Variants in NDUFA10 observed in about 807,000 individuals in gnomAD.
The protein encoded by NDUFA10 is NADH dehydrogenase [ubiquinone] 1 alpha subcomplex subunit 10, mitochondrial.
In NDUFA10, 40 loss-of-function variants were observed where a neutral mutation model predicts 47.8. The ratio of observed to expected loss-of-function variants is 0.84; its 90% CI spans 0.65 to 1.09. NDUFA10 has a LOEUF of 1.09. Among genes scored for constraint, NDUFA10 ranks in the 50% least tolerant of loss-of-function variants. The pLI, the probability that NDUFA10 is intolerant of heterozygous loss-of-function variation, is 0.00. For synonymous variants in NDUFA10, 183 were observed against 172.2 expected, an observed-to-expected ratio of 1.06 and a Z score of -0.49; for missense variants, 413 against 451.1, an observed-to-expected ratio of 0.92 and a Z score of 0.76.
At chr2:239,921,031 G>A (rs1170850758) in intron 4 of NDUFA10, among the ~76,000 whole-genome samples, 1 of 152,200 alleles carries the variant, frequency 6.6e-6, no homozygotes, top group Non-Finnish European at 1.5e-5. Context: ...TCTGTGGACA[G>A]AGCAACCAAG....
At chr2:240,011,942 G>A (rs1052630850) in intron 5 of NDUFA10, 9 of 517,384 alleles carry the variant, frequency 1.7e-5, no homozygotes, top group African/African-American at 1.3e-4. Context: ...CACATTCTAA[G>A]ATGTATACTT....
downstream of NDUFA10, among the ~76,000 whole-genome samples, chr2:239,955,821 T>A (rs528001395): frequency 1.1e-4 from 17 of 152,258 alleles, no homozygotes; most frequent in East Asian, 3.3e-3. Flanking sequence ...AGGACCCTGA[T>A]ACTACCTCAC....
intron 4 of NDUFA10, among the ~76,000 whole-genome samples, chr2:239,913,542 G>A (rs935012581): frequency 6.6e-6 from 1 of 152,188 alleles, no homozygotes; most frequent in Admixed American, 6.5e-5. Context: ...TTCTCCCCCT[G>A]GGGCTGTCTG....
At position 240,014,820 on chromosome 2, in the gene NDUFA10, G is replaced by A. The variant is rs143565087; in HGVS notation, c.588C>T (p.Cys196=). The change falls in exon 5 of 10, where the codon TGC becomes TGT. Residue 196 remains cysteine, a synonymous_variant. Coordinates refer to ENST00000252711, the MANE Select transcript of NDUFA10 (RefSeq NM_004544.4). ...TCACCAGGTGGGGGGGCAGGTAATC[G>A]CAGATGGTGACGCTCTTCACCTCGT... The part of the protein sequence containing the change: ...HYNEVKSVTI[C]DYLPPHLVIY... 10 of 1,614,152 alleles carry A rather than the reference G, an allele frequency of 6.2e-6. No individual in the cohort carries two copies. The highest frequency in any genetic ancestry group is 5.0e-5 in the Admixed American group (3 of 60,026).
intron 8 of NDUFA10, among the ~76,000 whole-genome samples, chr2:239,993,453 T>C (rs1385352981): frequency 6.6e-6 from 1 of 152,202 alleles, no homozygotes; most frequent in Middle Eastern, 3.2e-3. Context: ...AGGTAACTAC[T>C]GGGCAGGTGG....
At chr2:239,937,867 C>T (rs577770738) in intron 4 of NDUFA10, among the ~76,000 whole-genome samples, 21 of 152,246 alleles carry the variant, frequency 1.4e-4, no homozygotes, top group African/African-American at 5.1e-4. Context: ...GGTGGAAGCC[C>T]GACTTTAATT....
chr2:239,973,550 C>CACGATCAGCTTCAAGGAGGGA lies in NDUFA10; in HGVS notation c.1000-12385_1000-12365dup, dbSNP rs4149567. ...CTGTTGTCCTAGCAACTATCTTGGA[C>CACGATCAGCTTCAAGGAGGGA]ACGATCAGCTTCAAGGAGGGAACGA... On this transcript the variant is annotated intron_variant, in intron 9 of 9. Transcript: ENST00000252711. The CACGATCAGCTTCAAGGAGGGA allele has an allele frequency of 4.3e-4, 201 of 470,912 alleles. 3 individuals are homozygous for CACGATCAGCTTCAAGGAGGGA. The highest frequency in any genetic ancestry group is 1.6e-3 in the South Asian group (101 of 64,512). 29.2% of individuals were successfully genotyped at this position (470,912 alleles called of 1,614,324 possible). A position where few individuals can be genotyped will look rare whatever the true frequency, so the allele number is the denominator to read the frequency against.
intron 3 of NDUFA10, 61 bp downstream of exon 3, chr2:240,021,136 G>T (rs2106501560): frequency 7.0e-7 from 1 of 1,419,908 alleles, no homozygotes; most frequent in East Asian, 2.3e-5. Context: ...AATTTAACGT[G>T]GTTGAATTCT....
chr2:239,928,091 G>C lies in NDUFA10; in HGVS notation c.295-32777C>G, dbSNP rs1307571800. Among the ~76,000 whole-genome samples the C allele has an allele frequency of 1.3e-5, 2 of 152,012 alleles. No homozygotes were observed. Among genetic ancestry groups the C allele is most frequent in the East Asian group, 3.9e-4 (2 of 5,192 alleles). On this transcript the variant is annotated intron_variant, in intron 4 of 5. Transcript: ENST00000419408. The surrounding 1 kb of genome is among the most constrained non-coding windows in gnomAD (Gnocchi z 4.3). ...AGAAGGGCCCTCCCATCCCACATGG[G>C]AAAACAGCAGACCCCAGCACAGCCC...
intron 9 of NDUFA10, among the ~76,000 whole-genome samples, chr2:239,979,229 G>A (rs985862314): frequency 4.6e-5 from 7 of 152,124 alleles, no homozygotes; most frequent in Non-Finnish European, 7.4e-5. Flanking sequence ...TGTTACAAAC[G>A]GCAAATTCCT....
At chr2:239,900,816 A>G (rs1221283567) in intron 4 of NDUFA10, among the ~76,000 whole-genome samples, 1 of 152,246 alleles carries the variant, frequency 6.6e-6, no homozygotes, top group African/African-American at 2.4e-5. Flanking sequence ...TAGAGAAGGA[A>G]ATTGCAGAAG....
At chr2:239,914,828 TACAC>T (rs934729402) in intron 4 of NDUFA10, among the ~76,000 whole-genome samples, 4 of 117,864 alleles carry the variant, frequency 3.4e-5, no homozygotes, top group Admixed American at 8.2e-5. Flanking sequence ...CACACATACA[TACAC>T]ACACACAAAT....
chr2:240,010,817 T>C (rs960326369), intron 6 of NDUFA10, among the ~76,000 whole-genome samples: 2 of 152,142 alleles, frequency 1.3e-5, no homozygotes, highest in Non-Finnish European at 2.9e-5. Flanking sequence ...CTAAAATAAA[T>C]GTAAAAATAA....
chr2:240,001,765 C>T (rs1324749792), intron 8 of NDUFA10, among the ~76,000 whole-genome samples: 2 of 152,246 alleles, frequency 1.3e-5, no homozygotes, highest in African/African-American at 2.4e-5. Context: ...AAAGCACACA[C>T]TGACTTTGCA....
chr2:239,981,627 T>A (rs1006445239), intron 9 of NDUFA10, among the ~76,000 whole-genome samples: 5 of 152,270 alleles, frequency 3.3e-5, no homozygotes, highest in African/African-American at 1.2e-4. Flanking sequence ...AAAGCATTAC[T>A]CGTTTTCCAA....
intron 4 of NDUFA10, among the ~76,000 whole-genome samples, chr2:239,919,237 G>A (rs773380472): frequency 6.6e-6 from 1 of 152,186 alleles, no homozygotes; most frequent in African/African-American, 2.4e-5. Context: ...CAGCAGCCCT[G>A]CCCCTCTTCG....
intron 8 of NDUFA10, among the ~76,000 whole-genome samples, chr2:240,004,256 T>C (rs150768785): frequency 1.1e-3 from 161 of 152,278 alleles, no homozygotes; most frequent in African/African-American, 3.6e-3. Flanking sequence ...GCATCTGGAA[T>C]GGCGAGGCCG....
At chr2:239,970,724 C>T (rs975948417) in intron 9 of NDUFA10, among the ~76,000 whole-genome samples, 1 of 152,138 alleles carries the variant, frequency 6.6e-6, no homozygotes. Flanking sequence ...TTAGAGTTGC[C>T]CGTGGTGAAA....
chr2:239,904,083 G>A (rs922219785), intron 4 of NDUFA10, among the ~76,000 whole-genome samples: 15 of 151,944 alleles, frequency 9.9e-5, no homozygotes, highest in African/African-American at 3.4e-4. Context: ...AACTACAGGA[G>A]GCCAGGCAAA....
Sources: gnomAD v4.1 joint callset for allele counts (sites outside exome capture counted in the v4.1 genomes callset) on GRCh38, gnomAD v4.1.1 for gene constraint, Gnocchi (gnomAD v3.1) non-coding constraint, MANE v1.5 for transcripts, NCBI Gene and HGNC (gene_info 2026-07-23, HGNC 2026-07-21) for gene names.